The following ELMO1 variants were observed in gnomAD, a reference collection of about 807,000 sequenced individuals.
The protein encoded by ELMO1 is engulfment and cell motility protein 1.
A neutral mutation model predicts 98.9 loss-of-function variants in ELMO1; 26 were observed. That is an observed-to-expected ratio of 0.26 (90% CI 0.19 to 0.36). The LOEUF is 0.36. Among genes scored for constraint, ELMO1 ranks in the 10% least tolerant of loss-of-function variants. The pLI, the probability that ELMO1 is intolerant of heterozygous loss-of-function variation, is 1.00. For synonymous variants in ELMO1, 346 were observed against 346.0 expected, an observed-to-expected ratio of 1.00 and a Z score of 0.00; for missense variants, 627 against 935.2, an observed-to-expected ratio of 0.67 and a Z score of 4.30.
At chr7:37,393,262 A>G (rs1803158623) in intron 1 of ELMO1, among the ~76,000 whole-genome samples, 1 of 152,210 alleles carries the variant, frequency 6.6e-6, no homozygotes, top group South Asian at 2.1e-4. Flanking sequence ...CTCACCACCC[A>G]CTAATACCTT....
intron 13 of ELMO1, among the ~76,000 whole-genome samples, chr7:37,198,979 G>A (rs1792126298): frequency 6.6e-6 from 1 of 152,204 alleles, no homozygotes; most frequent in African/African-American, 2.4e-5. Flanking sequence ...CATCAGAGCT[G>A]CTCTTTATTG....
At chr7:36,866,773 A>C (rs990913337) in intron 20 of ELMO1, among the ~76,000 whole-genome samples, 3 of 152,140 alleles carry the variant, frequency 2.0e-5, no homozygotes, top group Admixed American at 1.3e-4. Flanking sequence ...TCATCCATCC[A>C]CTGTGTACTG....
At chr7:37,176,308 TCCCTA>T (rs1195484746) in intron 13 of ELMO1, among the ~76,000 whole-genome samples, 1 of 152,168 alleles carries the variant, frequency 6.6e-6, no homozygotes, top group African/African-American at 2.4e-5. Flanking sequence ...TGTCACCTCC[TCCCTA>T]TGCATTGACA....
chr7:37,444,671 C>A (rs1805537040), intron 1 of ELMO1, among the ~76,000 whole-genome samples: 1 of 140,758 alleles, frequency 7.1e-6, no homozygotes, highest in African/African-American at 2.7e-5. Flanking sequence ...CACTACCACG[C>A]CCGGCTAATT....
At chr7:37,227,015 C>A (rs1011790274) in intron 8 of ELMO1, among the ~76,000 whole-genome samples, 2 of 152,120 alleles carry the variant, frequency 1.3e-5, no homozygotes, top group Non-Finnish European at 2.9e-5. Context: ...TTGGATATTC[C>A]AAAAAAGCCA....
At chr7:36,944,616 C>T (rs1787326822) in intron 16 of ELMO1, among the ~76,000 whole-genome samples, 1 of 152,154 alleles carries the variant, frequency 6.6e-6, no homozygotes, top group Admixed American at 6.5e-5. Flanking sequence ...GGTCTCTTCC[C>T]CAATGAGGAG....
rs2129040272 is a variant in ELMO1, at chr7:36,870,548, A to G, written c.1823-73T>C. On this transcript the variant is annotated intron_variant, in intron 19 of 21. Transcript: ENST00000310758. This position sits in a 1 kb window ranked among gnomAD's most constrained non-coding sequence, Gnocchi z 4.4. Reference sequence around the variant, plus strand: ...TTGATGTCAATAAAGAAACAGGACTAAGCACTGGGTCCGCTACTGTGGTTA... The same window carrying G: ...TTGATGTCAATAAAGAAACAGGACTGAGCACTGGGTCCGCTACTGTGGTTA... 1.8e-5 allele frequency: 26 copies of G among 1,425,528 alleles called. No homozygotes were observed. The South Asian group carries it at 3.0e-4, about 17-fold the overall frequency. 88.3% of individuals were successfully genotyped at this position (1,425,528 alleles called of 1,614,324 possible).
At chr7:37,311,103 T>C (rs1178914749) in intron 4 of ELMO1, among the ~76,000 whole-genome samples, 1 of 152,048 alleles carries the variant, frequency 6.6e-6, no homozygotes, top group Non-Finnish European at 1.5e-5. Context: ...TCTGAGGCAT[T>C]TCCAAGCAAT....
intron 13 of ELMO1, among the ~76,000 whole-genome samples, chr7:37,175,224 C>T (rs1371387149): frequency 1.3e-5 from 2 of 152,178 alleles, no homozygotes; most frequent in East Asian, 1.9e-4. Flanking sequence ...ATGAGCATAT[C>T]CATAGTGTTT....
At chr7:37,397,463 G>A (rs1803344807) in intron 1 of ELMO1, among the ~76,000 whole-genome samples, 1 of 152,152 alleles carries the variant, frequency 6.6e-6, no homozygotes, top group African/African-American at 2.4e-5. Flanking sequence ...CAGCATCCAT[G>A]CACAAAAGGC....
chr7:36,937,319 G>T (rs1562839170), intron 16 of ELMO1, among the ~76,000 whole-genome samples: 1 of 152,168 alleles, frequency 6.6e-6, no homozygotes, highest in African/African-American at 2.4e-5. Flanking sequence ...AGAACGCCAC[G>T]TGACAACAAA....
chr7:37,308,702 T>G (rs879730876), intron 4 of ELMO1, among the ~76,000 whole-genome samples: 21 of 152,200 alleles, frequency 1.4e-4, no homozygotes, highest in Non-Finnish European at 2.8e-4. Context: ...CTATTGGATG[T>G]GTTCACATGT....
chr7:36,975,731 C>A (rs1315511951), intron 16 of ELMO1, among the ~76,000 whole-genome samples: 1 of 150,994 alleles, frequency 6.6e-6, no homozygotes, highest in East Asian at 2.0e-4. Flanking sequence ...CCTGTAATCC[C>A]AGCTACTTGG....
chr7:37,000,265 G>A (rs995150711), intron 16 of ELMO1, among the ~76,000 whole-genome samples: 2 of 152,146 alleles, frequency 1.3e-5, no homozygotes, highest in African/African-American at 2.4e-5. Context: ...GGGAGCTTTC[G>A]GACAGAATCC....
intron 16 of ELMO1, among the ~76,000 whole-genome samples, chr7:36,991,105 C>G (rs965845857): frequency 6.6e-6 from 1 of 152,180 alleles, no homozygotes; most frequent in African/African-American, 2.4e-5. Flanking sequence ...GACATGGCTA[C>G]GCTGCAACCA....
At chr7:37,207,730 G>C (rs553091251) in intron 13 of ELMO1, among the ~76,000 whole-genome samples, 2 of 150,728 alleles carry the variant, frequency 1.3e-5, no homozygotes, top group African/African-American at 4.9e-5. Context: ...ATCACCTGAG[G>C]TCAGGAGTTT....
At chr7:37,011,621 G>A (rs183766420) in intron 16 of ELMO1, among the ~76,000 whole-genome samples, 1 of 152,302 alleles carries the variant, frequency 6.6e-6, no homozygotes, top group Admixed American at 6.5e-5. Flanking sequence ...CTCTCAGAAA[G>A]CAGACATCTG....
In ELMO1 at chr7:37,216,069, G is replaced by A. The variant is rs759029997; in HGVS notation, c.831+576C>T. Among the ~76,000 whole-genome samples, 10 of 150,390 alleles carry A rather than the reference G, an allele frequency of 6.6e-5. No homozygotes were observed. In the South Asian group the frequency reaches 1.1e-3, roughly 16 times the overall value. ...TCAAGTAGCTGGTAAGTCAAATAGC[G>A]GGTAAGGCCTCAGGAAATCTTGTTA... is the stretch of plus-strand genomic sequence containing the variant. On this transcript the variant is annotated intron_variant, in intron 11 of 21. Transcript: ENST00000310758.
At chr7:37,374,561 C>A (rs970250726) in intron 1 of ELMO1, among the ~76,000 whole-genome samples, 1 of 151,864 alleles carries the variant, frequency 6.6e-6, no homozygotes, top group African/African-American at 2.4e-5. Flanking sequence ...ACCATCCTGG[C>A]TACTATGGCG....
Sources: allele counts gnomAD v4.1 joint callset (sites outside exome capture counted in the v4.1 genomes callset), GRCh38; gene constraint gnomAD v4.1.1; non-coding constraint Gnocchi (gnomAD v3.1); transcripts MANE v1.5; gene names NCBI Gene and HGNC (gene_info 2026-07-23, HGNC 2026-07-21).